LOXHD1: variants seen among roughly 807,000 people sequenced by gnomAD.
LOXHD1 encodes the protein lipoxygenase homology PLAT domains 1.
In LOXHD1, 205 loss-of-function variants were observed where a neutral mutation model predicts 248.2. The observed-to-expected ratio is 0.83, with a 90% CI of 0.74 to 0.93. LOXHD1 has a LOEUF of 0.93. LOXHD1 is among the 40% of genes least tolerant of loss of function. LOXHD1 has a pLI of 0.00. For synonymous variants in LOXHD1, 1,113 were observed against 1,162.8 expected, an observed-to-expected ratio of 0.96 and a Z score of 0.87; for missense variants, 2,930 against 2,971.6, an observed-to-expected ratio of 0.99 and a Z score of 0.33.
In LOXHD1 at chr18:46,477,798, G is replaced by C; in HGVS notation, c.6496C>G (p.Pro2166Ala). 1 of 1,551,854 alleles carries C rather than the reference G, an allele frequency of 6.4e-7. No individual in the cohort carries two copies. Among genetic ancestry groups the C allele is most frequent in the South Asian group, 1.2e-5 (1 of 84,066 alleles). The change falls in exon 41 of 41, where the codon CCA becomes GCA. Residue 2166 changes from proline (P) to alanine (A), a missense_variant. Coordinates refer to ENST00000642948, the MANE Select transcript of LOXHD1 (RefSeq NM_001384474.1). ...YEVIVTTGYEPGAGTDANVFV... is the reference protein window; with the variant it reads ...YEVIVTTGYEAGAGTDANVFV... Reference sequence around the variant, plus strand: ...ACGTTGGCATCAGTGCCTGCCCCTGGCTCATAGCCTGTTGTCACGATGACT... The same window carrying C: ...ACGTTGGCATCAGTGCCTGCCCCTGCCTCATAGCCTGTTGTCACGATGACT...
At chr18:46,580,653 A>G (rs1457604755) in intron 12 of LOXHD1, among the ~76,000 whole-genome samples, 2 of 152,270 alleles carry the variant, frequency 1.3e-5, no homozygotes, top group Non-Finnish European at 2.9e-5. Context: ...GAGAGGAGCA[A>G]TGCAAAGTAA....
intron 21 of LOXHD1, among the ~76,000 whole-genome samples, 176 bp from the exon 22 acceptor site, chr18:46,547,234 C>T (rs769338329): frequency 2.6e-5 from 4 of 152,158 alleles, no homozygotes; most frequent in Non-Finnish European, 4.4e-5. Flanking sequence ...TAGTCATTTG[C>T]CTGGGGTAGA....
chr18:46,585,355 C>G (rs1436176505), intron 12 of LOXHD1, among the ~76,000 whole-genome samples: 1 of 152,048 alleles, frequency 6.6e-6, no homozygotes, highest in African/African-American at 2.4e-5. Context: ...TTGTAGAGTA[C>G]AAGATCAATA....
At chr18:46,625,338 C>T (rs2038726418) in intron 4 of LOXHD1, among the ~76,000 whole-genome samples, 1 of 152,152 alleles carries the variant, frequency 6.6e-6, no homozygotes, top group Non-Finnish European at 1.5e-5. Flanking sequence ...ATGAAAACAT[C>T]ACTTGGTCCT....
intron 8 of LOXHD1, among the ~76,000 whole-genome samples, chr18:46,600,157 A>G (rs898264745): frequency 6.6e-6 from 1 of 152,258 alleles, no homozygotes; most frequent in Non-Finnish European, 1.5e-5. Context: ...AAAAATCAAG[A>G]AATCACTCCA....
At position 46,649,138 on chromosome 18, in the gene LOXHD1, G is replaced by T; in HGVS notation, c.245+17C>A. 1 of 1,540,436 alleles carries T rather than the reference G, an allele frequency of 6.5e-7. No homozygotes were observed. Among genetic ancestry groups the T allele is most frequent in the Non-Finnish European group, 8.8e-7 (1 of 1,136,762 alleles). ...ACTAATGGCCCAGGATCCCACCAAG[G>T]CCAAGTGGGTACTCACTTGCTGGTG... On this transcript the variant is annotated intron_variant, in intron 2 of 40. Coordinates refer to ENST00000642948, the MANE Select transcript of LOXHD1 (RefSeq NM_001384474.1).
At position 46,592,589 on chromosome 18, in the gene LOXHD1, G is replaced by A; in HGVS notation, c.1432-5C>T. The A allele has an allele frequency of 6.5e-7, 1 of 1,550,386 alleles. No individual in the cohort carries two copies. On this transcript the variant is annotated splice_region_variant and splice_polypyrimidine_tract_variant and intron_variant, in intron 10 of 40. Transcript: ENST00000642948. ...GCCAAGATCCGGGAGCTCAATCTAT[G>A]GTGAGAAATAAAAACATTTGAGTGG... is the stretch of plus-strand genomic sequence containing the variant.
chr18:46,607,478 T>G (rs2038435523), intron 6 of LOXHD1, among the ~76,000 whole-genome samples: 1 of 150,374 alleles, frequency 6.7e-6, no homozygotes, highest in African/African-American at 2.4e-5. Flanking sequence ...TACATATATA[T>G]AGGTGATAAG....
rs1212467977 is a variant in LOXHD1 at position 46,566,307 on chromosome 18, C to A, written c.2387G>T (p.Gly796Val). Reference protein sequence around the residue: ...NRWLDKNQADGRLEVELYPSE... With the variant: ...NRWLDKNQADVRLEVELYPSE... ...GGGATACAGCTCCACCTCCAGGCGC[C>A]CGTCAGCCTGGTTCTTGTCCAGCCA... Residue 796 changes from glycine (G) to valine (V), a missense_variant, in exon 17 of 41, where the codon GGG becomes GTG. By Grantham distance (109) the Gly-to-Val change is moderately radical. Coordinates refer to ENST00000642948, the MANE Select transcript of LOXHD1 (RefSeq NM_001384474.1). 1.9e-6 allele frequency: 3 copies of A among 1,551,874 alleles called. No homozygotes were observed. In the East Asian group the frequency reaches 7.3e-5, roughly 38 times the overall value.
chr18:46,621,006 G>A (rs1217127894), intron 4 of LOXHD1, among the ~76,000 whole-genome samples: 1 of 152,212 alleles, frequency 6.6e-6, no homozygotes, highest in African/African-American at 2.4e-5. Context: ...GGAGACCAGG[G>A]CTGGTGGAAA....
intron 19 of LOXHD1, 35 bp downstream of exon 19, chr18:46,560,048 T>TGCCTTGCCCC: frequency 8.2e-7 from 1 of 1,226,296 alleles, no homozygotes; most frequent in Non-Finnish European, 1.1e-6. Context: ...GTCTGGCCAC[T>TGCCTTGCCCC]CCCTCCCCAC....
chr18:46,625,203 C>T (rs1431807874), intron 4 of LOXHD1, among the ~76,000 whole-genome samples: 1 of 152,164 alleles, frequency 6.6e-6, no homozygotes, highest in Non-Finnish European at 1.5e-5. Context: ...CTCAAAAGTT[C>T]CCACCTGCCA....
chr18:46,532,519 A>C (rs1180233045), intron 28 of LOXHD1, among the ~76,000 whole-genome samples: 1 of 152,220 alleles, frequency 6.6e-6, no homozygotes, highest in Non-Finnish European at 1.5e-5. Context: ...AACACTTCAG[A>C]GAGGTAGGAA....
At chr18:46,586,590 T>C (rs1348973903) in intron 12 of LOXHD1, among the ~76,000 whole-genome samples, 1 of 149,424 alleles carries the variant, frequency 6.7e-6, no homozygotes, top group Non-Finnish European at 1.5e-5. Flanking sequence ...GGATTACAGG[T>C]ACCTGCGACC....
chr18:46,546,544 A>G lies in LOXHD1; in HGVS notation c.3514+351T>C, dbSNP rs561597276. ...ACTCTACTCCATTCCATTCCATTTC[A>G]TTCCAACCCATCCCATTTCATTCCA... On this transcript the variant is annotated intron_variant, in intron 22 of 40. Coordinates refer to ENST00000642948, the MANE Select transcript of LOXHD1 (RefSeq NM_001384474.1). Among the ~76,000 whole-genome samples the G allele has an allele frequency of 1.9e-3, 273 of 147,284 alleles. 4 individuals carry two copies. Among genetic ancestry groups the G allele is most frequent in the African/African-American group, 6.4e-3 (258 of 40,104 alleles).
intron 21 of LOXHD1, among the ~76,000 whole-genome samples, chr18:46,548,496 C>T (rs751928013): frequency 3.3e-5 from 5 of 152,130 alleles, no homozygotes; most frequent in Non-Finnish European, 7.3e-5. Context: ...TAAAGGAGCT[C>T]GACCTGGGGC....
At chr18:46,536,522 A>G (rs2036317566) in intron 26 of LOXHD1, among the ~76,000 whole-genome samples, 2 of 152,176 alleles carry the variant, frequency 1.3e-5, no homozygotes, top group South Asian at 4.1e-4. Context: ...AAAAAATAGC[A>G]ACAAAATTAC....
At chr18:46,501,095 C>A (rs2034198473) in intron 37 of LOXHD1, among the ~76,000 whole-genome samples, 1 of 152,146 alleles carries the variant, frequency 6.6e-6, no homozygotes, top group Non-Finnish European at 1.5e-5. Context: ...GAACACAATG[C>A]CTAACAGTAA....
chr18:46,525,659 T>C (rs1021885847), intron 29 of LOXHD1, among the ~76,000 whole-genome samples: 4 of 151,692 alleles, frequency 2.6e-5, no homozygotes. Flanking sequence ...TTGAATGAGA[T>C]GGGGCCAAGA....
Sources: allele counts gnomAD v4.1 joint callset (sites outside exome capture counted in the v4.1 genomes callset), GRCh38; gene constraint gnomAD v4.1.1; transcripts MANE v1.5; gene names NCBI Gene and HGNC (gene_info 2026-07-23, HGNC 2026-07-21).